TAF4B: variants seen among roughly 807,000 people sequenced by gnomAD.
TAF4B encodes transcription initiation factor TFIID subunit 4B.
A neutral mutation model predicts 86.4 loss-of-function variants in TAF4B; 38 were observed. The ratio of observed to expected loss-of-function variants is 0.44; its 90% CI spans 0.34 to 0.58. TAF4B has a LOEUF of 0.58. Ranked by LOEUF, TAF4B falls within the 20% of genes least tolerant of loss-of-function variation. TAF4B has a pLI of 0.02. For synonymous variants in TAF4B, 388 were observed against 391.2 expected (o/e 0.99, Z 0.10); for missense variants, 988 against 1,027.6 (o/e 0.96, Z 0.53).
intron 14 of TAF4B, among the ~76,000 whole-genome samples, chr18:26,372,546 A>G (rs2057412906): frequency 6.6e-6 from 1 of 152,142 alleles, no homozygotes; most frequent in Non-Finnish European, 1.5e-5. Context: ...ACTCTTACTA[A>G]CCTACATCAG....
chr18:26,359,190 T>G (rs73946377), intron 14 of TAF4B, among the ~76,000 whole-genome samples: 4,165 of 152,320 alleles, frequency 0.027, 178 homozygotes, highest in African/African-American at 0.095. Context: ...CTCATATAAT[T>G]TACTTCCATA....
intron 14 of TAF4B, among the ~76,000 whole-genome samples, chr18:26,377,410 T>C (rs1433198184): frequency 2.6e-5 from 4 of 152,198 alleles, no homozygotes; most frequent in Non-Finnish European, 5.9e-5. Context: ...ATATATGTGG[T>C]CTTGTATCCT....
At chr18:26,339,129 C>G (rs58631962) in intron 13 of TAF4B, among the ~76,000 whole-genome samples, 41 of 152,084 alleles carry the variant, frequency 2.7e-4, no homozygotes, top group African/African-American at 8.5e-4. Context: ...GGGCTGTCTT[C>G]TTTCCCTTTC....
At chr18:26,347,130 C>T (rs1198490103) in intron 13 of TAF4B, among the ~76,000 whole-genome samples, 3 of 151,000 alleles carry the variant, frequency 2.0e-5, no homozygotes, top group Non-Finnish European at 4.4e-5. Flanking sequence ...CCATGTTAGC[C>T]AGGATGGTCT....
chr18:26,234,041 T>G (rs894887505), intron 1 of TAF4B, among the ~76,000 whole-genome samples: 1 of 152,232 alleles, frequency 6.6e-6, no homozygotes, highest in Non-Finnish European at 1.5e-5. Flanking sequence ...TATTTTCCAC[T>G]GACTGACTTT....
chr18:26,274,900 T>C (rs1007946686), intron 4 of TAF4B, 31 bp from the exon 5 acceptor site: 5 of 1,612,404 alleles, frequency 3.1e-6, no homozygotes, highest in Non-Finnish European at 3.4e-6. Context: ...CTAACACTTG[T>C]GTTTGCTTAT....
At chr18:26,346,527 C>T (rs1390688223) in intron 13 of TAF4B, among the ~76,000 whole-genome samples, 2 of 151,300 alleles carry the variant, frequency 1.3e-5, no homozygotes, top group East Asian at 2.0e-4. Context: ...TAGATTCATC[C>T]CAAACAAGTC....
chr18:26,384,536 A>G (rs1305282813), intron 14 of TAF4B, among the ~76,000 whole-genome samples: 1 of 152,202 alleles, frequency 6.6e-6, no homozygotes, highest in Non-Finnish European at 1.5e-5. Context: ...ACTGAGAGGG[A>G]CAAGGTAAGT....
intron 10 of TAF4B, among the ~76,000 whole-genome samples, chr18:26,316,808 T>C (rs1017144767): frequency 1.3e-5 from 2 of 152,216 alleles, no homozygotes; most frequent in Non-Finnish European, 2.9e-5. Context: ...CTCCCTGTGT[T>C]CCTTCATTCC....
At chr18:26,271,926 C>CAAA (rs543780780) in intron 3 of TAF4B, among the ~76,000 whole-genome samples, 44 of 65,558 alleles carry the variant, frequency 6.7e-4, no homozygotes, top group African/African-American at 2.2e-3. Context: ...GACTCCGTCT[C>CAAA]AAAAAAAAAA....
chr18:26,256,002 A>C (rs1598730456), intron 1 of TAF4B: 1 of 1,291,370 alleles, frequency 7.7e-7, no homozygotes, highest in East Asian at 2.3e-5. Flanking sequence ...TGAGCATCAG[A>C]ATTACGATGT....
chr18:26,295,251 G>A (rs1233562826), intron 9 of TAF4B: 4 of 385,656 alleles, frequency 1.0e-5, no homozygotes, highest in African/African-American at 4.2e-5. Context: ...TTTCTGTCGT[G>A]TTCTGTCATC....
chr18:26,345,120 T>C (rs937280874), intron 13 of TAF4B, among the ~76,000 whole-genome samples: 1 of 152,154 alleles, frequency 6.6e-6, no homozygotes, highest in Non-Finnish European at 1.5e-5. Context: ...TATGCCTGCT[T>C]GTACACAGCC....
intron 1 of TAF4B, among the ~76,000 whole-genome samples, chr18:26,238,008 G>A (rs1051075942): frequency 6.6e-6 from 1 of 152,124 alleles, no homozygotes; most frequent in Non-Finnish European, 1.5e-5. Context: ...CAGAATAGTT[G>A]TGCTCACCAA....
chr18:26,278,176 C>T (rs1276941835), intron 5 of TAF4B, among the ~76,000 whole-genome samples: 2 of 152,146 alleles, frequency 1.3e-5, no homozygotes, highest in Admixed American at 1.3e-4. Context: ...AACAAAAATG[C>T]TCCATGTATG....
At chr18:26,339,668 A>G (rs922321744) in intron 13 of TAF4B, among the ~76,000 whole-genome samples, 1 of 152,210 alleles carries the variant, frequency 6.6e-6, no homozygotes, top group African/African-American at 2.4e-5. Context: ...GCTAAACTCT[A>G]ACTTCAGACA....
chr18:26,227,199 C>T lies in TAF4B; in HGVS notation c.266C>T (p.Pro89Leu). 6.2e-7 allele frequency: 1 copy of T among 1,614,080 alleles called. No homozygotes were observed. Among genetic ancestry groups the T allele is most frequent in the Non-Finnish European group, 8.5e-7 (1 of 1,179,986 alleles). ...PPKVSSGPRL[P>L]APQIVAVKAP... ...AAAGTCAGCAGCGGCCCTAGGCTGC[C>T]TGCTCCTCAGATAGTCGCCGTGAAA... Residue 89 changes from proline to leucine, a missense_variant, in exon 1 of 15, where the codon CCT becomes CTT. Pro to Leu is a moderately conservative substitution (Grantham distance 98). This residue lies in a region of TAF4B where 747 missense variants were observed against 737.9 expected (regional missense o/e 1.01). Coordinates refer to ENST00000269142, the MANE Select transcript of TAF4B (RefSeq NM_005640.3).
At chr18:26,247,205 C>G (rs141557476) in intron 1 of TAF4B, among the ~76,000 whole-genome samples, 1 of 152,242 alleles carries the variant, frequency 6.6e-6, no homozygotes, top group East Asian at 1.9e-4. Flanking sequence ...CTCTAAAATA[C>G]GGTTAATACC....
Position 26,370,414 on chromosome 18 carries a change from G to A in TAF4B, c.2421+12620G>A, listed in dbSNP as rs60317870. Among the ~76,000 whole-genome samples the A allele has an allele frequency of 2.0e-3, 297 of 152,214 alleles. 1 individual carries two copies. The highest frequency in any genetic ancestry group is 7.0e-3 in the African/African-American group (290 of 41,530). ...ATATTAGCAGATTCCAATGAAACTG[G>A]GTATCTTGAACTCCTCAGTTCTATT... On this transcript the variant is annotated intron_variant, in intron 14 of 14. Coordinates refer to ENST00000269142, the MANE Select transcript of TAF4B (RefSeq NM_005640.3).
Sources: allele counts gnomAD v4.1 joint callset (sites outside exome capture counted in the v4.1 genomes callset), GRCh38; gene constraint gnomAD v4.1.1; regional missense constraint gnomAD v4.1.1; transcripts MANE v1.5; gene names NCBI Gene and HGNC (gene_info 2026-07-23, HGNC 2026-07-21).